The following EPB41L3 variants were observed in gnomAD, a reference collection of about 807,000 sequenced individuals.
EPB41L3 encodes band 4.1-like protein 3.
EPB41L3 carries 57 observed loss-of-function variants against 127.1 expected under a neutral mutation model. The observed-to-expected ratio is 0.45, with a 90% confidence interval of 0.36 to 0.56. The LOEUF (loss-of-function observed/expected upper bound fraction) is 0.56, where lower values mean the gene tolerates loss of function less well. EPB41L3 is among the 20% of genes least tolerant of loss of function. The pLI, the probability that EPB41L3 is intolerant of heterozygous loss-of-function variation, is 0.00. For synonymous variants in EPB41L3, 572 were observed against 549.5 expected (o/e 1.04, Z -0.57); for missense variants, 1,273 against 1,372.2 (o/e 0.93, Z 1.14).
At chr18:5,507,266 T>G (rs559006223) in intron 1 of EPB41L3, among the ~76,000 whole-genome samples, 3 of 152,160 alleles carry the variant, frequency 2.0e-5, no homozygotes, top group African/African-American at 7.2e-5. Flanking sequence ...TCAATCGATA[T>G]TTAAAACACG....
chr18:5,617,145 T>C (rs2094804748), intron 1 of EPB41L3, among the ~76,000 whole-genome samples: 1 of 152,186 alleles, frequency 6.6e-6, no homozygotes, highest in Admixed American at 6.5e-5. Context: ...TATCACACTT[T>C]ATATTGTTTT....
intron 1 of EPB41L3, among the ~76,000 whole-genome samples, chr18:5,532,504 C>A (rs555832606): frequency 1.6e-4 from 24 of 152,318 alleles, no homozygotes; most frequent in Non-Finnish European, 2.9e-4. Context: ...TTTGATGAGT[C>A]TTTTAACTAT....
intron 16 of EPB41L3, among the ~76,000 whole-genome samples, chr18:5,401,910 T>C (rs1054850440): frequency 1.3e-5 from 2 of 152,022 alleles, no homozygotes; most frequent in Non-Finnish European, 2.9e-5. Flanking sequence ...AACTGAAAAA[T>C]AACGATGGAA....
At chr18:5,591,033 T>A (rs1229771889) in intron 3 of EPB41L3, among the ~76,000 whole-genome samples, 1 of 152,070 alleles carries the variant, frequency 6.6e-6, no homozygotes, top group Non-Finnish European at 1.5e-5. Flanking sequence ...GACATGAAGA[T>A]CAAATTTGCT....
chr18:5,619,460 A>T (rs559087630), intron 1 of EPB41L3, among the ~76,000 whole-genome samples: 1 of 152,072 alleles, frequency 6.6e-6, no homozygotes, highest in East Asian at 1.9e-4. Flanking sequence ...TCCCATATCA[A>T]CTCATTTCCA....
intron 3 of EPB41L3, among the ~76,000 whole-genome samples, chr18:5,452,000 A>G (rs2082336177): frequency 6.6e-6 from 1 of 152,076 alleles, no homozygotes; most frequent in Non-Finnish European, 1.5e-5. Flanking sequence ...CACCACGTCT[A>G]GCTAATTTTT....
chr18:5,513,132 T>C (rs889853324), intron 1 of EPB41L3, among the ~76,000 whole-genome samples: 1 of 152,194 alleles, frequency 6.6e-6, no homozygotes, highest in African/African-American at 2.4e-5. Flanking sequence ...AGGCACATAG[T>C]AGGATCACAC....
intron 1 of EPB41L3, among the ~76,000 whole-genome samples, chr18:5,628,761 G>T (rs1016234248): frequency 3.3e-5 from 5 of 151,942 alleles, no homozygotes; most frequent in African/African-American, 9.7e-5. Context: ...CCGCAGCGGC[G>T]GCGCCAGGGC....
At chr18:5,489,313 A>C (rs1232331468) in intron 1 of EPB41L3, 119 bp from the exon 2 acceptor site, 2 of 1,176,884 alleles carry the variant, frequency 1.7e-6, no homozygotes, top group Non-Finnish European at 2.3e-6. Flanking sequence ...GATGCTACCA[A>C]ACCCCATCCT....
chr18:5,459,161 G>A (rs192161914), intron 3 of EPB41L3, among the ~76,000 whole-genome samples: 4 of 152,268 alleles, frequency 2.6e-5, no homozygotes, highest in Admixed American at 2.6e-4. Context: ...GTTCAGGCAT[G>A]GTAGAGCATG....
intron 1 of EPB41L3, among the ~76,000 whole-genome samples, chr18:5,493,366 T>C (rs1044630418): frequency 1.1e-4 from 17 of 152,176 alleles, no homozygotes; most frequent in African/African-American, 2.4e-5. Flanking sequence ...AACGAGTATA[T>C]AGGACTCAAA....
At chr18:5,495,203 C>T (rs2091034949) in intron 1 of EPB41L3, among the ~76,000 whole-genome samples, 1 of 152,164 alleles carries the variant, frequency 6.6e-6, no homozygotes, top group Admixed American at 6.5e-5. Context: ...GGCCAATACA[C>T]CAGCTCCTGT....
intron 1 of EPB41L3, among the ~76,000 whole-genome samples, chr18:5,528,057 GAAGA>G (rs760476676): frequency 3.9e-5 from 6 of 152,186 alleles, no homozygotes; most frequent in South Asian, 4.1e-4. Context: ...ATGTGGGAAG[GAAGA>G]AAGACACGTA....
intron 13 of EPB41L3, among the ~76,000 whole-genome samples, chr18:5,411,950 G>A (rs962178177): frequency 1.3e-5 from 2 of 152,174 alleles, no homozygotes. Flanking sequence ...ATAATTTTCT[G>A]TAGGTTGGTA....
At chr18:5,528,963 G>C (rs1287222995) in intron 1 of EPB41L3, 1 of 152,118 alleles carries the variant, frequency 6.6e-6, no homozygotes, top group East Asian at 1.9e-4. Flanking sequence ...TTGAGTAATG[G>C]TCAATACAGC....
At chr18:5,431,419 T>C (rs910452692) in intron 8 of EPB41L3, 14 of 152,222 alleles carry the variant, frequency 9.2e-5, no homozygotes, top group Admixed American at 7.2e-4. Flanking sequence ...AACTGAATTA[T>C]CTGTTATACT....
intron 15 of EPB41L3, 176 bp from the exon 16 acceptor site, chr18:5,407,144 G>T: frequency 1.7e-6 from 1 of 595,380 alleles, no homozygotes; most frequent in Non-Finnish European, 2.9e-6. Flanking sequence ...ATTTTCCCAT[G>T]GAAAGGAAAC....
At chr18:5,540,847 G>T (rs28402968) in intron 1 of EPB41L3, among the ~76,000 whole-genome samples, 21,925 of 152,008 alleles carry the variant, frequency 0.14, 1,657 homozygotes, top group Non-Finnish European at 0.16. Context: ...CACTTTGGGA[G>T]GCCGAGACGG....
chr18:5,615,640 C>A (rs555240455), intron 1 of EPB41L3, among the ~76,000 whole-genome samples: 3 of 152,162 alleles, frequency 2.0e-5, no homozygotes, highest in Non-Finnish European at 4.4e-5. Context: ...ATATTTCCAG[C>A]CCTCAGGGCA....
Sources: gnomAD v4.1 joint callset for allele counts (sites outside exome capture counted in the v4.1 genomes callset) on GRCh38, gnomAD v4.1.1 for gene constraint, MANE v1.5 for transcripts, NCBI Gene and HGNC (gene_info 2026-07-23, HGNC 2026-07-21) for gene names.